PWWP2A: variants seen among roughly 807,000 people sequenced by gnomAD.
The protein encoded by PWWP2A is PWWP domain containing 2A, also known as PWWP domain-containing protein 2A.
Under a neutral mutation model 48.5 loss-of-function variants are expected in PWWP2A, and 18 were observed. That is an observed-to-expected ratio of 0.37 (90% confidence interval 0.26 to 0.55). The LOEUF (loss-of-function observed/expected upper bound fraction) is 0.55. Among genes scored for constraint, PWWP2A ranks in the 20% least tolerant of loss-of-function variants. The pLI is 0.81. For missense variants in PWWP2A, 867 were observed against 976.4 expected, an observed-to-expected ratio of 0.89 and a Z score of 1.49; for synonymous variants, 396 against 387.7, an observed-to-expected ratio of 1.02 and a Z score of -0.25.
the PWWP2A span, among the ~76,000 whole-genome samples, chr5:160,052,370 C>T: frequency 2.0e-5 from 3 of 151,898 alleles, no homozygotes; most frequent in Non-Finnish European, 2.9e-5. Context: ...GTGGCATGTG[C>T]CTGCCCATAG....
chr5:160,085,747 C>G (rs865850343), intron 2 of PWWP2A, among the ~76,000 whole-genome samples: 1 of 151,546 alleles, frequency 6.6e-6, no homozygotes, highest in East Asian at 1.9e-4. Context: ...CCTCATGATC[C>G]GCCCGCCTTG....
chr5:160,091,619 CAAATCCA>C lies in PWWP2A; in HGVS notation c.*756_*762del. On this transcript the variant is annotated 3_prime_UTR_variant, in exon 2 of 2. Transcript: ENST00000307063. ...GACCAAATTTAGCAATCACTATTTACAAATCCAAAATCAAACCTATCTAAACTCCCAA... is the reference window on the plus strand; with the variant it reads ...GACCAAATTTAGCAATCACTATTTACAAATCAAACCTATCTAAACTCCCAA... 3 of 983,892 alleles carry C rather than the reference CAAATCCA, an allele frequency of 3.0e-6. No individual in the cohort carries two copies. The highest frequency in any genetic ancestry group is 3.6e-6 in the Non-Finnish European group (3 of 829,382). The allele number at this position is 983,892 out of a possible 1,614,324, so 60.9% of individuals were successfully genotyped here.
the PWWP2A span, among the ~76,000 whole-genome samples, chr5:160,046,832 T>G: frequency 6.6e-6 from 1 of 152,056 alleles, no homozygotes; most frequent in African/African-American, 2.4e-5. Flanking sequence ...ATCATTATGG[T>G]GAAACCCTGT....
chr5:160,097,571 A>C (rs1227053022), intron 1 of PWWP2A, among the ~76,000 whole-genome samples: 2 of 151,844 alleles, frequency 1.3e-5, no homozygotes, highest in African/African-American at 4.8e-5. Flanking sequence ...TGAAAGTCGC[A>C]GTGAGCCGAG....
chr5:160,071,266 G>GT (rs1329543585), downstream of PWWP2A, among the ~76,000 whole-genome samples: 1 of 152,162 alleles, frequency 6.6e-6, no homozygotes, highest in Non-Finnish European at 1.5e-5. Context: ...GAGACTACTG[G>GT]TAAGTAACAT....
chr5:160,091,810 A>G lies in PWWP2A; in HGVS notation c.*572T>C. On this transcript the variant is annotated 3_prime_UTR_variant, in exon 2 of 2. Transcript: ENST00000307063. ...TGTTTGTCAAACACCTAACCATCTA[A>G]CTTTTACACCATTATGCGCATAGAA... is the stretch of plus-strand genomic sequence containing the variant. 1.0e-6 allele frequency: 1 copy of G among 985,014 alleles called. No individual in the cohort carries two copies. The highest frequency in any genetic ancestry group is 1.2e-6 in the Non-Finnish European group (1 of 829,862). The allele number at this position is 985,014 out of a possible 1,614,324, so 61.0% of individuals were successfully genotyped here.
At position 160,109,768 on chromosome 5, in the gene PWWP2A, AAAAAAAATATATATATAT is replaced by A. The variant is rs1301156230; in HGVS notation, c.584+9019_584+9036del. 8.9e-3 allele frequency among the ~76,000 whole-genome samples: 469 copies of A among 52,794 alleles called. 14 individuals are homozygous for A. The highest frequency in any genetic ancestry group is 0.026 in the African/African-American group (435 of 17,046). 34.6% of individuals were successfully genotyped at this position (52,794 alleles called of 152,430 possible). A position where few individuals can be genotyped will look rare whatever the true frequency, so the allele number is the denominator to read the frequency against. On this transcript the variant is annotated intron_variant, in intron 1 of 1. Coordinates refer to ENST00000307063, the MANE Select transcript of PWWP2A (RefSeq NM_001130864.2). ...GAGGATGCAACTGGGAAAAAAAAAA[AAAAAAAATATATATATAT>A]ATATATATATATATATATATATAAA... is the stretch of plus-strand genomic sequence containing the variant.
intron 2 of PWWP2A, among the ~76,000 whole-genome samples, chr5:160,082,009 T>C (rs1000304433): frequency 4.6e-5 from 7 of 152,240 alleles, no homozygotes; most frequent in African/African-American, 7.2e-5. Context: ...TAATTACTTC[T>C]GAATTTTAAC....
At chr5:160,117,347 A>G (rs934140110) in intron 1 of PWWP2A, among the ~76,000 whole-genome samples, 3 of 151,420 alleles carry the variant, frequency 2.0e-5, no homozygotes, top group African/African-American at 7.3e-5. Context: ...CCCTAATCCA[A>G]AATTATTTTT....
chr5:160,110,189 T>G (rs1757418139), intron 1 of PWWP2A, among the ~76,000 whole-genome samples: 1 of 151,592 alleles, frequency 6.6e-6, no homozygotes, highest in Non-Finnish European at 1.5e-5. Context: ...GCCGGCTAAT[T>G]TTTTTAATTT....
the PWWP2A span, among the ~76,000 whole-genome samples, chr5:160,053,066 A>G: frequency 6.6e-6 from 1 of 152,182 alleles, no homozygotes; most frequent in Non-Finnish European, 1.5e-5. Flanking sequence ...CACTCTTTAC[A>G]TGGAATTTCA....
In PWWP2A at chr5:160,119,006, T is replaced by C. The variant is rs56806495; in HGVS notation, c.383A>G (p.Glu128Gly). 0.046 allele frequency: 74,142 copies of C among 1,598,576 alleles called. 2,133 individuals carry two copies. Among genetic ancestry groups the C allele is most frequent in the East Asian group, 0.13 (5,859 of 43,530 alleles). ...ASPPEQPPAP[E>G]EREEPPLPQP... ...AGGCAGCGGCGGCTCCTCGCGCTCC[T>C]CGGGAGCCGGGGGCTGCTCCGGCGG... The change falls in exon 1 of 2, where the codon GAG becomes GGG. Residue 128 changes from glutamate to glycine, a missense_variant. Around this residue, in one of 4 missense-constraint regions of PWWP2A, gnomAD observed 385 missense variants for 396.9 expected, o/e 0.97. Coordinates refer to ENST00000307063, the MANE Select transcript of PWWP2A (RefSeq NM_001130864.2).
At chr5:160,109,757 GAAAAAAAAA>G (rs755988668) in intron 1 of PWWP2A, among the ~76,000 whole-genome samples, 15 of 53,364 alleles carry the variant, frequency 2.8e-4, no homozygotes, top group South Asian at 7.4e-4. Flanking sequence ...ATGCAACTGG[GAAAAAAAAA>G]AAAAAAAAAT....
chr5:160,045,520 A>ACACACTCT, the PWWP2A span, among the ~76,000 whole-genome samples: 17 of 54,884 alleles, frequency 3.1e-4, no homozygotes, highest in South Asian at 7.7e-4. Flanking sequence ...ACACATACAC[A>ACACACTCT]CTCTCTCTCT....
intron 1 of PWWP2A, among the ~76,000 whole-genome samples, chr5:160,106,488 A>AAG: frequency 6.6e-6 from 1 of 151,882 alleles, no homozygotes; most frequent in African/African-American, 2.4e-5. Flanking sequence ...ACCTTCTTAG[A>AAG]TTAAATATGC....
rs1169368599 is a variant in PWWP2A, at chr5:160,109,772, AAAATATATATATAT to A, written c.584+9019_584+9032del. Among the ~76,000 whole-genome samples the A allele has an allele frequency of 4.3e-4, 12 of 27,870 alleles. No individual in the cohort carries two copies. The East Asian group carries it at 0.012, about 29-fold the overall frequency. The allele number at this position is 27,870 out of a possible 152,430, so 18.3% of individuals were successfully genotyped here. On this transcript the variant is annotated intron_variant, in intron 1 of 1. Transcript: ENST00000307063. ...ATGCAACTGGGAAAAAAAAAAAAAA[AAAATATATATATAT>A]ATATATATATATATATATATATAAA...
downstream of PWWP2A, among the ~76,000 whole-genome samples, chr5:160,060,038 A>G (rs951126076): frequency 6.6e-6 from 1 of 152,198 alleles, no homozygotes; most frequent in Admixed American, 6.5e-5. Flanking sequence ...TATCCTTTCT[A>G]TGCTGGGCTC....
downstream of PWWP2A, among the ~76,000 whole-genome samples, chr5:160,071,650 C>G (rs1464987228): frequency 1.3e-5 from 2 of 152,152 alleles, no homozygotes; most frequent in Admixed American, 6.5e-5. Context: ...TTGACGAGCC[C>G]TCATCCGTTT....
chr5:160,064,929 C>T, intron 4 of PWWP2A: 3 of 1,605,588 alleles, frequency 1.9e-6, no homozygotes, highest in South Asian at 1.1e-5. Flanking sequence ...TTTTACATTA[C>T]AGGTAAATTA....
Sources: gnomAD v4.1 joint callset for allele counts (sites outside exome capture counted in the v4.1 genomes callset) on GRCh38, gnomAD v4.1.1 for gene constraint, gnomAD v4.1.1 regional missense constraint, MANE v1.5 for transcripts, NCBI Gene and HGNC (gene_info 2026-07-23, HGNC 2026-07-21) for gene names.